Variants in LHCGR observed in about 807,000 individuals in gnomAD.
LHCGR encodes lutropin-choriogonadotropic hormone receptor.
LHCGR carries 55 observed loss-of-function variants against 60.7 expected under a neutral mutation model. That is an observed-to-expected ratio of 0.91 (90% CI 0.73 to 1.13). The LOEUF (loss-of-function observed/expected upper bound fraction) is 1.13, where lower values mean the gene tolerates loss of function less well. Ranked by LOEUF, LHCGR falls within the 50% of genes most tolerant of loss-of-function variation. The pLI is 0.00. For synonymous variants in LHCGR, 337 were observed against 316.5 expected, an observed-to-expected ratio of 1.06 and a Z score of -0.69; for missense variants, 862 against 836.0, an observed-to-expected ratio of 1.03 and a Z score of -0.38.
At chr2:48,698,279 A>G (rs1354777405) in intron 9 of LHCGR, among the ~76,000 whole-genome samples, 1 of 152,254 alleles carries the variant, frequency 6.6e-6, no homozygotes, top group Non-Finnish European at 1.5e-5. Flanking sequence ...TTCACTTAAA[A>G]AAATGATGCT....
intron 3 of LHCGR, 70 bp from the exon 4 acceptor site, chr2:48,725,820 T>C (rs994381348): frequency 2.4e-6 from 3 of 1,268,844 alleles, no homozygotes; most frequent in African/African-American, 1.5e-5. Flanking sequence ...TGTGAGATCA[T>C]GGTCACCAGA....
intron 10 of LHCGR, among the ~76,000 whole-genome samples, chr2:48,692,864 A>C (rs1238857350): frequency 6.6e-6 from 1 of 152,176 alleles, no homozygotes; most frequent in African/African-American, 2.4e-5. Flanking sequence ...TGCTCTTTTT[A>C]CTTAGATTTT....
At chr2:48,732,106 C>G (rs889068564) in intron 1 of LHCGR, among the ~76,000 whole-genome samples, 4 of 152,136 alleles carry the variant, frequency 2.6e-5, no homozygotes, top group African/African-American at 4.8e-5. Flanking sequence ...AAATGCAAAA[C>G]CAGTATAGGA....
intron 6 of LHCGR, among the ~76,000 whole-genome samples, chr2:48,722,372 C>T (rs564759398): frequency 2.0e-4 from 30 of 152,240 alleles, no homozygotes; most frequent in African/African-American, 5.5e-4. Context: ...AGTAGGTCTG[C>T]GGTGAGCTAT....
chr2:48,716,779 G>T (rs541318388), intron 6 of LHCGR, among the ~76,000 whole-genome samples: 2 of 152,168 alleles, frequency 1.3e-5, no homozygotes, highest in East Asian at 3.9e-4. Flanking sequence ...TTAGATAAAG[G>T]AATCACACTC....
chr2:48,710,730 G>A (rs1209006320), intron 7 of LHCGR, among the ~76,000 whole-genome samples: 34 of 152,110 alleles, frequency 2.2e-4, no homozygotes, highest in Non-Finnish European at 2.9e-5. Flanking sequence ...CACCTTCTGC[G>A]GCTGCCCCTG....
chr2:48,704,638 A>C (rs1239384575), intron 8 of LHCGR, among the ~76,000 whole-genome samples: 2 of 152,152 alleles, frequency 1.3e-5, no homozygotes, highest in African/African-American at 4.8e-5. Context: ...GTGTCCAGGA[A>C]TTTATCCATT....
Position 48,692,516 on chromosome 2 carries a change from C to T in LHCGR, c.947+1708G>A, listed in dbSNP as rs3792248. ...TGTGTCCTGGGATGGCTCCTGAGGGCAGCATCATGCTTATTGACAAAGCCC... is the reference window on the plus strand; with the variant it reads ...TGTGTCCTGGGATGGCTCCTGAGGGTAGCATCATGCTTATTGACAAAGCCC... On this transcript the variant is annotated intron_variant, in intron 10 of 10. Coordinates refer to ENST00000294954, the MANE Select transcript of LHCGR (RefSeq NM_000233.4). Among the ~76,000 whole-genome samples the T allele has an allele frequency of 2.6e-5, 4 of 152,296 alleles. No individual in the cohort carries two copies. The East Asian group carries it at 7.7e-4, about 29-fold the overall frequency.
intron 1 of LHCGR, among the ~76,000 whole-genome samples, chr2:48,752,259 C>T (rs373702990): frequency 7.0e-4 from 106 of 152,200 alleles, no homozygotes; most frequent in Non-Finnish European, 1.3e-3. Context: ...AATCCATGTA[C>T]CTTGTTTTTT....
intron 8 of LHCGR, among the ~76,000 whole-genome samples, chr2:48,702,706 A>G (rs1210052617): frequency 6.6e-6 from 1 of 152,228 alleles, no homozygotes; most frequent in Non-Finnish European, 1.5e-5. Flanking sequence ...TATTGTGAAT[A>G]GTGCCGCAAT....
At chr2:48,693,382 C>T (rs1666956166) in intron 10 of LHCGR, among the ~76,000 whole-genome samples, 1 of 152,160 alleles carries the variant, frequency 6.6e-6, no homozygotes, top group African/African-American at 2.4e-5. Context: ...TACTCTGTTA[C>T]AGGAAGGTTA....
At chr2:48,752,146 T>G (rs1024046233) in intron 1 of LHCGR, among the ~76,000 whole-genome samples, 1 of 152,234 alleles carries the variant, frequency 6.6e-6, no homozygotes, top group African/African-American at 2.4e-5. Context: ...TTTTAGATTT[T>G]AAATACCTAT....
rs1680014473 is a variant in LHCGR at position 48,688,351 on chromosome 2, A to G, written c.1446T>C (p.His482=). 5 of 1,614,182 alleles carry G rather than the reference A, an allele frequency of 3.1e-6. No individual in the cohort carries two copies. The highest frequency in any genetic ancestry group is 4.2e-6 in the Non-Finnish European group (5 of 1,180,034). Residue 482 remains histidine, a synonymous_variant, in exon 11 of 11, where the codon CAT becomes CAC. Coordinates refer to ENST00000294954, the MANE Select transcript of LHCGR (RefSeq NM_000233.4). This position sits in a 1 kb window ranked among gnomAD's most constrained non-coding sequence, Gnocchi z 5.2. ...IHLDQKLRLR[H]AILIMLGGWL... is the part of the protein sequence containing the mutation. ...ATCCTCCAAGCATAATCAGAATGGC[A>G]TGTCTTAATCGCAGCTTTTGGTCCA...
intron 8 of LHCGR, among the ~76,000 whole-genome samples, chr2:48,704,091 G>A (rs1325861343): frequency 1.3e-5 from 2 of 152,134 alleles, no homozygotes; most frequent in Admixed American, 6.5e-5. Context: ...AGTGTTTTTA[G>A]CATGAAGCAC....
intron 6 of LHCGR, among the ~76,000 whole-genome samples, chr2:48,716,773 A>C (rs779220575): frequency 4.6e-5 from 7 of 152,148 alleles, no homozygotes; most frequent in African/African-American, 7.2e-5. Context: ...TCTCTTTTAG[A>C]TAAAGGAATC....
intron 3 of LHCGR, 28 bp downstream of exon 3, chr2:48,729,125 A>G: frequency 1.3e-6 from 2 of 1,508,388 alleles, no homozygotes; most frequent in Non-Finnish European, 1.8e-6. Flanking sequence ...AGTGTACAGC[A>G]GTAAACTGTC....
At position 48,688,483 on chromosome 2, in the gene LHCGR, C is replaced by G. The variant is rs1367430792; in HGVS notation, c.1314G>C (p.Gly438=). ...NHAIDWQTGS[G]CSTAGFFTVF... ...CAGTGAAAAAGCCAGCAGTGCTGCA[C>G]CCACTCCCTGTCTGCCAGTCTATGG... The change falls in exon 11 of 11, where the codon GGG becomes GGC. Residue 438 remains glycine, a synonymous_variant. Coordinates refer to ENST00000294954, the MANE Select transcript of LHCGR (RefSeq NM_000233.4). This position sits in a 1 kb window ranked among gnomAD's most constrained non-coding sequence, Gnocchi z 5.2. 2.5e-6 allele frequency: 4 copies of G among 1,614,202 alleles called. No homozygotes were observed. Among genetic ancestry groups the G allele is most frequent in the Non-Finnish European group, 3.4e-6 (4 of 1,180,046 alleles).
At chr2:48,744,782 T>C (rs996227052) in intron 1 of LHCGR, among the ~76,000 whole-genome samples, 12 of 150,690 alleles carry the variant, frequency 8.0e-5, no homozygotes, top group Non-Finnish European at 1.6e-4. Flanking sequence ...GACATAGGCA[T>C]GGGCAAGGAC....
intron 9 of LHCGR, among the ~76,000 whole-genome samples, chr2:48,696,592 A>G (rs1667124739): frequency 6.6e-6 from 1 of 152,210 alleles, no homozygotes. Flanking sequence ...TAGTCAGGTC[A>G]ATAAATGAAA....
Sources: gnomAD v4.1 joint callset for allele counts (sites outside exome capture counted in the v4.1 genomes callset) on GRCh38, gnomAD v4.1.1 for gene constraint, Gnocchi (gnomAD v3.1) non-coding constraint, MANE v1.5 for transcripts, NCBI Gene and HGNC (gene_info 2026-07-23, HGNC 2026-07-21) for gene names.